GSK3B: variants seen among roughly 807,000 people sequenced by gnomAD.
GSK3B encodes glycogen synthase kinase 3 beta.
In GSK3B, 15 loss-of-function variants were observed where a neutral mutation model predicts 56.4. The observed-to-expected ratio is 0.27, with a 90% CI of 0.18 to 0.41. The LOEUF is 0.41. Among genes scored for constraint, GSK3B ranks in the 10% least tolerant of loss-of-function variants. GSK3B has a pLI of 1.00. For missense variants in GSK3B, 300 were observed against 513.4 expected (o/e 0.58, Z 4.02); for synonymous variants, 181 against 188.9 (o/e 0.96, Z 0.34).
intron 1 of GSK3B, among the ~76,000 whole-genome samples, chr3:120,053,842 G>C (rs929770767): frequency 1.6e-4 from 24 of 152,148 alleles, no homozygotes; most frequent in African/African-American, 5.3e-4. Context: ...CATGTAAGCC[G>C]TGACTTGCTC....
intron 6 of GSK3B, among the ~76,000 whole-genome samples, chr3:119,906,338 G>A (rs1448918482): frequency 6.6e-6 from 1 of 151,900 alleles, no homozygotes; most frequent in Non-Finnish European, 1.5e-5. Flanking sequence ...TATGTTCTAC[G>A]ATGACTGACA....
In GSK3B at chr3:119,912,599, A is replaced by G. The variant is rs950766638; in HGVS notation, c.715+105T>C. On this transcript the variant is annotated intron_variant, in intron 6 of 10. Transcript: ENST00000264235. ...TTTAAGAAAAAAAACATTATGGGATATATCCATCTTTCCATGGAAATAAAA... is the reference window on the plus strand; with the variant it reads ...TTTAAGAAAAAAAACATTATGGGATGTATCCATCTTTCCATGGAAATAAAA... 79 of 496,412 alleles carry G rather than the reference A, an allele frequency of 1.6e-4. No individual in the cohort carries two copies. The East Asian group carries it at 2.0e-3, about 12-fold the overall frequency. 30.8% of individuals were successfully genotyped at this position (496,412 alleles called of 1,614,324 possible). A position where few individuals can be genotyped will look rare whatever the true frequency, so the allele number is the denominator to read the frequency against.
intron 1 of GSK3B, among the ~76,000 whole-genome samples, chr3:120,035,188 T>C (rs965894302): frequency 3.9e-5 from 6 of 152,006 alleles, no homozygotes; most frequent in African/African-American, 1.5e-4. Flanking sequence ...CACACAAACA[T>C]ACACAGAGAG....
intron 9 of GSK3B, among the ~76,000 whole-genome samples, chr3:119,856,219 T>C (rs186946287): frequency 6.6e-6 from 1 of 152,260 alleles, no homozygotes; most frequent in East Asian, 1.9e-4. Flanking sequence ...GGATAGTGTG[T>C]TGACCAAGGT....
chr3:119,858,507 T>G (rs1306322333), intron 9 of GSK3B, among the ~76,000 whole-genome samples: 1 of 152,202 alleles, frequency 6.6e-6, no homozygotes. Context: ...TCCTCACCTC[T>G]CTCAGCCCTT....
At chr3:120,006,629 T>A (rs1241877331) in intron 1 of GSK3B, among the ~76,000 whole-genome samples, 1 of 152,096 alleles carries the variant, frequency 6.6e-6, no homozygotes, top group Non-Finnish European at 1.5e-5. Context: ...ACCACACAAC[T>A]GCATGGAAAC....
intron 1 of GSK3B, among the ~76,000 whole-genome samples, chr3:120,014,636 G>T (rs755026981): frequency 2.0e-5 from 3 of 152,136 alleles, no homozygotes; most frequent in Non-Finnish European, 2.9e-5. Flanking sequence ...AACTTCATGT[G>T]ATAAAAATCT....
At chr3:119,967,764 T>C (rs1367706673) in intron 2 of GSK3B, among the ~76,000 whole-genome samples, 1 of 149,136 alleles carries the variant, frequency 6.7e-6, no homozygotes, top group Non-Finnish European at 1.5e-5. Context: ...TCCCCTCCTT[T>C]TCTTTTCTTT....
chr3:119,894,751 C>T (rs2056543687), intron 7 of GSK3B, among the ~76,000 whole-genome samples: 1 of 152,022 alleles, frequency 6.6e-6, no homozygotes, highest in Admixed American at 6.6e-5. Context: ...TGACAAAGTC[C>T]AATTTACTTC....
intron 1 of GSK3B, among the ~76,000 whole-genome samples, chr3:120,067,583 A>T (rs2058291026): frequency 6.6e-6 from 1 of 152,232 alleles, no homozygotes; most frequent in Non-Finnish European, 1.5e-5. Context: ...TTGCAGTATC[A>T]TAAAATCAAA....
At chr3:119,832,965 G>GTT (rs1259776300) in intron 10 of GSK3B, 13 of 982,490 alleles carry the variant, frequency 1.3e-5, no homozygotes, top group Non-Finnish European at 1.6e-5. Flanking sequence ...TTGTTTGTTT[G>GTT]TTTTTTTCAG....
chr3:119,909,939 T>C (rs1194685440), intron 6 of GSK3B, among the ~76,000 whole-genome samples: 2 of 152,268 alleles, frequency 1.3e-5, no homozygotes, highest in Non-Finnish European at 2.9e-5. Context: ...GGTGCATACT[T>C]CTGCAGAATC....
intron 7 of GSK3B, among the ~76,000 whole-genome samples, chr3:119,889,856 C>T (rs980591087): frequency 4.6e-5 from 7 of 151,830 alleles, no homozygotes; most frequent in Admixed American, 2.6e-4. Context: ...GAAGTTATAC[C>T]ATGCAAAATC....
rs781333462 is a variant in GSK3B at position 120,093,336 on chromosome 3, C to A, written c.88+11G>T. The A allele has an allele frequency of 6.3e-7, 1 of 1,578,906 alleles. No individual in the cohort carries two copies. Among genetic ancestry groups the A allele is most frequent in the Non-Finnish European group, 8.7e-7 (1 of 1,148,070 alleles). ...GGTGGAAAAGGGGTGTAAAATAAAA[C>A]CAATACTCACTGCTAACTTTCATGC... On this transcript the variant is annotated intron_variant, in intron 1 of 10. Coordinates refer to ENST00000264235, the MANE Select transcript of GSK3B (RefSeq NM_001146156.2).
rs563322960 is a variant in GSK3B, at chr3:119,937,280, G to A, written c.366+9988C>T. On this transcript the variant is annotated intron_variant, in intron 3 of 10. Transcript: ENST00000264235. Reference sequence around the variant, plus strand: ...TGGACCACAGAGGTGGATCCCTCATGAATGGAATTGTGCCTTCCTCTTGGT... The same window carrying A: ...TGGACCACAGAGGTGGATCCCTCATAAATGGAATTGTGCCTTCCTCTTGGT... 2.0e-5 allele frequency among the ~76,000 whole-genome samples: 3 copies of A among 152,202 alleles called. No individual in the cohort carries two copies. In the South Asian group the frequency reaches 6.2e-4, roughly 32 times the overall value.
chr3:120,004,634 G>A (rs1220954677), intron 1 of GSK3B, among the ~76,000 whole-genome samples: 1 of 152,180 alleles, frequency 6.6e-6, no homozygotes, highest in Non-Finnish European at 1.5e-5. Context: ...GGCAAACAGG[G>A]TCTGGAGTGG....
chr3:120,047,097 C>T (rs1159645883), intron 1 of GSK3B, among the ~76,000 whole-genome samples: 1 of 152,188 alleles, frequency 6.6e-6, no homozygotes, highest in African/African-American at 2.4e-5. Flanking sequence ...TTCTAAAGCA[C>T]AGACTCCTTT....
intron 7 of GSK3B, among the ~76,000 whole-genome samples, chr3:119,898,619 G>C (rs2056594500): frequency 6.6e-6 from 1 of 152,020 alleles, no homozygotes; most frequent in Non-Finnish European, 1.5e-5. Context: ...CATGAATAGA[G>C]GCTATAAATT....
rs2057906388 is a variant in GSK3B at position 120,024,410 on chromosome 3, A to C, written c.89-22171T>G. Among the ~76,000 whole-genome samples the C allele has an allele frequency of 2.0e-5, 3 of 152,226 alleles. No individual in the cohort carries two copies. The South Asian group carries it at 6.2e-4, about 32-fold the overall frequency. ...GGGAGAGTATAATAGACATTCTTTG[A>C]CATTCTTTATGGTACCTGTCCAGTC... On this transcript the variant is annotated intron_variant, in intron 1 of 10. Coordinates refer to ENST00000264235, the MANE Select transcript of GSK3B (RefSeq NM_001146156.2).
Sources: gnomAD v4.1 joint callset for allele counts (sites outside exome capture counted in the v4.1 genomes callset) on GRCh38, gnomAD v4.1.1 for gene constraint, MANE v1.5 for transcripts, NCBI Gene and HGNC (gene_info 2026-07-23, HGNC 2026-07-21) for gene names.